Variants in ADGRB3 observed in about 807,000 individuals in gnomAD.
ADGRB3 encodes brain-specific angiogenesis inhibitor 3.
In ADGRB3, 37 loss-of-function variants were observed where a neutral mutation model predicts 193.4. The ratio of observed to expected loss-of-function variants is 0.19; its 90% CI spans 0.15 to 0.25. ADGRB3 has a LOEUF of 0.25. ADGRB3 is among the 10% of genes least tolerant of loss of function. The probability of loss-of-function intolerance (pLI) is 1.00; values close to 1 mark genes in which losing one functional copy is unlikely to be tolerated. For missense variants in ADGRB3, 1,637 were observed against 1,852.9 expected (o/e 0.88, Z 2.14); for synonymous variants, 690 against 644.2 (o/e 1.07, Z -1.08).
chr6:69,156,115 T>C (rs1421531862), intron 17 of ADGRB3, among the ~76,000 whole-genome samples: 1 of 152,204 alleles, frequency 6.6e-6, no homozygotes, highest in African/African-American at 2.4e-5. Flanking sequence ...TAATTGTCTT[T>C]TACATAAATG....
At chr6:69,067,206 T>G (rs1290349156) in intron 16 of ADGRB3, among the ~76,000 whole-genome samples, 1 of 152,130 alleles carries the variant, frequency 6.6e-6, no homozygotes, top group Admixed American at 6.6e-5. Flanking sequence ...ATAGGTAGGG[T>G]ACTGCTGCTT....
chr6:69,054,997 A>C (rs1771502450), intron 15 of ADGRB3, among the ~76,000 whole-genome samples: 1 of 152,210 alleles, frequency 6.6e-6, no homozygotes. Context: ...CTATAAATCT[A>C]AAAATGGAAA....
chr6:68,782,661 C>T (rs1766878767), intron 3 of ADGRB3, among the ~76,000 whole-genome samples: 1 of 152,112 alleles, frequency 6.6e-6, no homozygotes, highest in Non-Finnish European at 1.5e-5. Flanking sequence ...TAATGATCTC[C>T]ACTCTAACTG....
At chr6:69,015,719 T>C (rs1770068973) in intron 12 of ADGRB3, among the ~76,000 whole-genome samples, 1 of 151,956 alleles carries the variant, frequency 6.6e-6, no homozygotes, top group South Asian at 2.1e-4. Context: ...CATTGGAAGT[T>C]TTTTGCAAAC....
At chr6:69,052,051 G>A (rs867218449) in intron 15 of ADGRB3, among the ~76,000 whole-genome samples, 3 of 151,922 alleles carry the variant, frequency 2.0e-5, no homozygotes, top group Non-Finnish European at 2.9e-5. Context: ...CCACCACGCC[G>A]GGCTAATTTT....
chr6:69,339,615 T>C (rs1263273594), intron 26 of ADGRB3, 111 bp downstream of exon 26: 13 of 1,273,514 alleles, frequency 1.0e-5, no homozygotes, highest in Non-Finnish European at 1.2e-5. Flanking sequence ...GTCTCCTCCA[T>C]TGACAATCAC....
chr6:69,350,920 A>G lies in ADGRB3; in HGVS notation c.3460-3313A>G, dbSNP rs545446977. Among the ~76,000 whole-genome samples, 5 of 152,218 alleles carry G rather than the reference A, an allele frequency of 3.3e-5. No homozygotes were observed. The South Asian group carries it at 1.0e-3, about 32-fold the overall frequency. ...TACCAGATACAAAATTCAATTAATT[A>G]TCCAAACACGTTCAAATAGCTGTGA... On this transcript the variant is annotated intron_variant, in intron 26 of 31. Transcript: ENST00000370598.
intron 15 of ADGRB3, among the ~76,000 whole-genome samples, chr6:69,055,309 C>G (rs1043372538): frequency 1.3e-5 from 2 of 152,196 alleles, no homozygotes; most frequent in African/African-American, 4.8e-5. Context: ...CCCTCTGACC[C>G]TTAGCAACTA....
intron 3 of ADGRB3, among the ~76,000 whole-genome samples, chr6:68,673,171 T>A (rs1009343920): frequency 6.6e-6 from 1 of 152,116 alleles, no homozygotes; most frequent in Admixed American, 6.6e-5. Flanking sequence ...CGAATGGGTA[T>A]AAAAATAACT....
chr6:69,088,128 C>T (rs1326461948), intron 17 of ADGRB3, among the ~76,000 whole-genome samples: 2 of 152,134 alleles, frequency 1.3e-5, no homozygotes, highest in South Asian at 2.1e-4. Context: ...TTTCCAACAC[C>T]TGTATAGTTC....
chr6:69,360,105 AT>A (rs1293368644), intron 28 of ADGRB3, among the ~76,000 whole-genome samples: 2 of 151,748 alleles, frequency 1.3e-5, no homozygotes, highest in African/African-American at 4.8e-5. Flanking sequence ...GTTATCATAG[AT>A]TTTTTTCCCT....
chr6:68,774,370 ATTTT>A (rs77553495), intron 3 of ADGRB3, among the ~76,000 whole-genome samples: 3 of 130,358 alleles, frequency 2.3e-5, no homozygotes, highest in Non-Finnish European at 1.6e-5. Context: ...CACTATGCCT[ATTTT>A]TTTTTTTTTT....
chr6:68,711,438 A>T (rs1187265887), intron 3 of ADGRB3, among the ~76,000 whole-genome samples: 2 of 152,144 alleles, frequency 1.3e-5, no homozygotes, highest in Non-Finnish European at 2.9e-5. Context: ...AAAATGCCAG[A>T]AAAAAACATT....
intron 3 of ADGRB3, among the ~76,000 whole-genome samples, chr6:68,876,985 G>T (rs1035882373): frequency 6.6e-6 from 1 of 151,712 alleles, no homozygotes; most frequent in African/African-American, 2.4e-5. Flanking sequence ...TGTTTAATCA[G>T]CAAATAAATA....
At chr6:69,075,103 G>A (rs374340572) in intron 16 of ADGRB3, among the ~76,000 whole-genome samples, 1 of 152,170 alleles carries the variant, frequency 6.6e-6, no homozygotes, top group Non-Finnish European at 1.5e-5. Context: ...TAGGAAGAGA[G>A]CACCTGATTT....
intron 10 of ADGRB3, 27 bp downstream of exon 10, chr6:68,975,367 T>TG (rs1372992550): frequency 1.3e-6 from 2 of 1,552,742 alleles, no homozygotes; most frequent in Admixed American, 1.7e-5. Flanking sequence ...CTTTAGTACT[T>TG]GCTCTGTTTA....
At chr6:69,115,045 C>T (rs933321489) in intron 17 of ADGRB3, among the ~76,000 whole-genome samples, 2 of 152,160 alleles carry the variant, frequency 1.3e-5, no homozygotes, top group African/African-American at 4.8e-5. Flanking sequence ...GGCGATTCCT[C>T]AGGGATCTAG....
chr6:69,317,415 C>A (rs1561985685), intron 20 of ADGRB3, among the ~76,000 whole-genome samples: 1 of 151,408 alleles, frequency 6.6e-6, no homozygotes, highest in Non-Finnish European at 1.5e-5. Context: ...CAGAAACCAA[C>A]CCATTTGATT....
At chr6:68,756,063 C>A (rs1029977314) in intron 3 of ADGRB3, among the ~76,000 whole-genome samples, 19 of 152,066 alleles carry the variant, frequency 1.2e-4, no homozygotes, top group African/African-American at 4.3e-4. Flanking sequence ...TTCTCTAAGT[C>A]TAGAGTTCTG....
Sources: allele counts gnomAD v4.1 joint callset (sites outside exome capture counted in the v4.1 genomes callset), GRCh38; gene constraint gnomAD v4.1.1; transcripts MANE v1.5; gene names NCBI Gene and HGNC (gene_info 2026-07-23, HGNC 2026-07-21).